Variants in GAD1 observed in about 807,000 individuals in gnomAD.
GAD1 encodes the protein glutamate decarboxylase 1.
In GAD1, 35 loss-of-function variants were observed where a neutral mutation model predicts 75.2. That is an observed-to-expected ratio of 0.47 (90% CI 0.36 to 0.62). GAD1 has a LOEUF of 0.62. Ranked by LOEUF, GAD1 falls within the 20% of genes least tolerant of loss-of-function variation. GAD1 has a pLI of 0.00. For synonymous variants in GAD1, 257 were observed against 271.9 expected (o/e 0.95, Z 0.54); for missense variants, 490 against 758.5 (o/e 0.65, Z 4.16).
chr2:170,844,927 T>G (rs576638844), intron 7 of GAD1, among the ~76,000 whole-genome samples: 1 of 152,298 alleles, frequency 6.6e-6, no homozygotes, highest in African/African-American at 2.4e-5. Flanking sequence ...CAAACATACA[T>G]AGTTATGTCA....
upstream of GAD1, chr2:170,816,135 A>G (rs917604840): frequency 6.6e-6 from 1 of 152,234 alleles, no homozygotes; most frequent in Non-Finnish European, 1.5e-5. Flanking sequence ...CAACCTTCAA[A>G]CGTGATTAAT....
chr2:170,857,151 C>T (rs1264765558), intron 15 of GAD1, 26 bp downstream of exon 15: 4 of 1,566,432 alleles, frequency 2.6e-6, no homozygotes, highest in Non-Finnish European at 3.5e-6. Flanking sequence ...GGACCAGGTA[C>T]ACAGTATTTC....
intron 14 of GAD1, among the ~76,000 whole-genome samples, chr2:170,856,602 G>GT (rs2105813070): frequency 6.6e-6 from 1 of 152,314 alleles, no homozygotes; most frequent in Non-Finnish European, 1.5e-5. Context: ...ACAAGCCACT[G>GT]TTTTTTATTA....
Position 170,831,123 on chromosome 2 carries a change from G to A in GAD1, c.478G>A (p.Asp160Asn), listed in dbSNP as rs1702209304. The A allele has an allele frequency of 6.2e-7, 1 of 1,614,178 alleles. No homozygotes were observed. The highest frequency in any genetic ancestry group is 8.5e-7 in the Non-Finnish European group (1 of 1,180,030). Reference protein sequence around the residue: ...GMEGFNLELSDHPESLEQILV... With the variant: ...GMEGFNLELSNHPESLEQILV... ...GGAGGGCTTCAACTTGGAGCTCTCT[G>A]ACCACCCCGAGTCCCTGGAGCAGAT... Residue 160 changes from aspartate (D) to asparagine (N), a missense_variant, in exon 5 of 17, where the codon GAC becomes AAC. Physicochemically the swap from Asp to Asn is conservative, Grantham distance 23 (BLOSUM62 1). Transcript: ENST00000358196.
intron 3 of GAD1, among the ~76,000 whole-genome samples, chr2:170,825,806 C>G (rs2105765100): frequency 6.6e-6 from 1 of 152,308 alleles, no homozygotes; most frequent in East Asian, 1.9e-4. Context: ...CTCTTTGCCT[C>G]TAAGAATGTA....
intron 3 of GAD1, among the ~76,000 whole-genome samples, chr2:170,828,755 GCCCTCCTACCTCTGCTGTCCTCA>G (rs1702129211): frequency 2.3e-5 from 2 of 88,200 alleles, no homozygotes; most frequent in Non-Finnish European, 4.4e-5. Context: ...TGCTGTCCTC[GCCCTCCTACCTCTGCTGTCCTCA>G]CCCTCCTCCC....
At chr2:170,858,753 T>C in intron 15 of GAD1, 51 bp from the exon 16 acceptor site, 1 of 1,557,752 alleles carries the variant, frequency 6.4e-7, no homozygotes, top group Non-Finnish European at 8.8e-7. Flanking sequence ...GGGAACAGCT[T>C]TCTCTCAAGT....
chr2:170,859,275 C>T (rs1228532512), intron 16 of GAD1, among the ~76,000 whole-genome samples: 4 of 152,128 alleles, frequency 2.6e-5, no homozygotes, highest in Non-Finnish European at 5.9e-5. Context: ...TAACTGTTTT[C>T]TATATCCAGT....
chr2:170,826,110 A>G (rs1264985776), intron 3 of GAD1, among the ~76,000 whole-genome samples: 6 of 152,214 alleles, frequency 3.9e-5, no homozygotes, highest in Non-Finnish European at 2.9e-5. Context: ...AAGACATGTG[A>G]CAATATATAT....
At chr2:170,833,076 C>A (rs749490437) in intron 5 of GAD1, among the ~76,000 whole-genome samples, 2 of 152,264 alleles carry the variant, frequency 1.3e-5, no homozygotes, top group East Asian at 3.8e-4. Context: ...AAGGCCACAA[C>A]TGGCAATCCT....
chr2:170,847,690 T>C lies in GAD1; in HGVS notation c.1017T>C (p.Phe339=). 6.2e-7 allele frequency: 1 copy of C among 1,613,108 alleles called. No homozygotes were observed. The highest frequency in any genetic ancestry group is 8.5e-7 in the Non-Finnish European group (1 of 1,179,002). The stretch of plus-strand genomic sequence containing the variant: ...TTACCTTGTAGGGATATGTTCCCTT[T>C]TATGTCAATGCAACTGCTGGCACGA... The part of the protein sequence containing the change: ...LEAKQKGYVP[F]YVNATAGTTV... The change falls in exon 11 of 17, where the codon TTT becomes TTC. Residue 339 remains phenylalanine (F), a synonymous_variant. Coordinates refer to ENST00000358196, the MANE Select transcript of GAD1 (RefSeq NM_000817.3).
chr2:170,814,382 T>C (rs1701660208), upstream of GAD1, among the ~76,000 whole-genome samples: 1 of 152,228 alleles, frequency 6.6e-6, no homozygotes, highest in Non-Finnish European at 1.5e-5. Flanking sequence ...CTGAAAGATC[T>C]ATGCCCTACC....
At position 170,859,940 on chromosome 2, in the gene GAD1, C is replaced by A. The variant is rs929785721; in HGVS notation, c.*58C>A. 1.3e-6 allele frequency: 2 copies of A among 1,499,998 alleles called. No homozygotes were observed. The highest frequency in any genetic ancestry group is 1.7e-5 in the Admixed American group (1 of 57,180). The allele number at this position is 1,499,998 out of a possible 1,614,324, so 92.9% of individuals were successfully genotyped here. A position where few individuals can be genotyped will look rare whatever the true frequency, so the allele number is the denominator to read the frequency against. ...GCCTTTTCCCTCTGGCACTCCAGAACAAACCTCTATATGTTGCTGAAACAC... is the reference window on the plus strand; with the variant it reads ...GCCTTTTCCCTCTGGCACTCCAGAAAAAACCTCTATATGTTGCTGAAACAC... On this transcript the variant is annotated 3_prime_UTR_variant, in exon 17 of 17. Coordinates refer to ENST00000358196, the MANE Select transcript of GAD1 (RefSeq NM_000817.3).
At chr2:170,822,278 C>A in intron 3 of GAD1, 129 bp downstream of exon 3, 1 of 810,886 alleles carries the variant, frequency 1.2e-6, no homozygotes, top group Non-Finnish European at 2.0e-6. Context: ...TAATTACAGC[C>A]AGGACAGCCA....
chr2:170,844,208 CA>C, intron 7 of GAD1, 51 bp downstream of exon 7: 1 of 1,048,114 alleles, frequency 9.5e-7, no homozygotes, highest in Non-Finnish European at 1.5e-6. Flanking sequence ...CTTAAGAATA[CA>C]AAATATGAAG....
intron 10 of GAD1, among the ~76,000 whole-genome samples, chr2:170,847,368 T>G (rs748591134): frequency 2.6e-5 from 4 of 152,158 alleles, no homozygotes; most frequent in Non-Finnish European, 4.4e-5. Flanking sequence ...TTTAGCTTAT[T>G]ATCTGTCACC....
Position 170,822,141 on chromosome 2 carries a change from A to G in GAD1, c.137A>G (p.Lys46Arg), listed in dbSNP as rs778777603. ...GGATGCACCAGAAAACTGGGGCTCA[A>G]GATCTGCGGTAAGTGACAGGACCCA... ...AHGCTRKLGL[K>R]ICGFLQRTNS... The change falls in exon 3 of 17, where the codon AAG becomes AGG. Residue 46 changes from lysine to arginine, a missense_variant. Around this residue, in one of 3 missense-constraint regions of GAD1, gnomAD observed 165 missense variants for 216.4 expected, o/e 0.76. Coordinates refer to ENST00000358196, the MANE Select transcript of GAD1 (RefSeq NM_000817.3). 1.2e-6 allele frequency: 2 copies of G among 1,612,566 alleles called. No individual in the cohort carries two copies. Among genetic ancestry groups the G allele is most frequent in the South Asian group, 2.2e-5 (2 of 90,640 alleles).
upstream of GAD1, among the ~76,000 whole-genome samples, chr2:170,815,191 G>A (rs1355656080): frequency 2.0e-5 from 3 of 152,134 alleles, no homozygotes; most frequent in Admixed American, 6.5e-5. Flanking sequence ...AGCAGCTGCC[G>A]GTTGAGTGGT....
Position 170,853,668 on chromosome 2 carries a change from T to C in GAD1, c.1264-205T>C. ...CTGAGACGGAAAGATCATCTTCTAA[T>C]CAGAGAGTCAGAGACAAAAGGGATG... On this transcript the variant is annotated intron_variant, in intron 13 of 16. Transcript: ENST00000358196. The surrounding 1 kb of genome is among the most constrained non-coding windows in gnomAD (Gnocchi z 4.1). The C allele has an allele frequency of 1.8e-6, 1 of 570,768 alleles. No individual in the cohort carries two copies. Among genetic ancestry groups the C allele is most frequent in the Non-Finnish European group, 3.2e-6 (1 of 315,308 alleles). 35.4% of individuals were successfully genotyped at this position (570,768 alleles called of 1,614,324 possible).
Sources: gnomAD v4.1 joint callset for allele counts (sites outside exome capture counted in the v4.1 genomes callset) on GRCh38, gnomAD v4.1.1 for gene constraint, gnomAD v4.1.1 regional missense constraint, Gnocchi (gnomAD v3.1) non-coding constraint, MANE v1.5 for transcripts, NCBI Gene and HGNC (gene_info 2026-07-23, HGNC 2026-07-21) for gene names.